The following GTF2E2 variants were observed in gnomAD, a reference collection of about 807,000 sequenced individuals.
GTF2E2 encodes general transcription factor IIE subunit 2.
In GTF2E2, 21 loss-of-function variants were observed where a neutral mutation model predicts 40.5. The ratio of observed to expected loss-of-function variants is 0.52; its 90% CI spans 0.37 to 0.75. The LOEUF (loss-of-function observed/expected upper bound fraction) is 0.75. Among genes scored for constraint, GTF2E2 ranks in the 30% least tolerant of loss-of-function variants. GTF2E2 has a pLI of 0.00. For synonymous variants in GTF2E2, 117 were observed against 121.6 expected, an observed-to-expected ratio of 0.96 and a Z score of 0.25; for missense variants, 298 against 338.4, an observed-to-expected ratio of 0.88 and a Z score of 0.94.
At chr8:30,614,358 T>A (rs1331625439) in intron 4 of GTF2E2, among the ~76,000 whole-genome samples, 1 of 152,116 alleles carries the variant, frequency 6.6e-6, no homozygotes, top group Non-Finnish European at 1.5e-5. Flanking sequence ...GGTGGGCGGA[T>A]CACTTGAGGT....
chr8:30,600,397 T>C (rs1829143507), intron 6 of GTF2E2, among the ~76,000 whole-genome samples: 1 of 152,236 alleles, frequency 6.6e-6, no homozygotes, highest in Non-Finnish European at 1.5e-5. Context: ...GTTCTTACTT[T>C]CCACCAGATT....
intron 2 of GTF2E2, among the ~76,000 whole-genome samples, chr8:30,644,808 T>C (rs1396567669): frequency 2.6e-5 from 4 of 151,608 alleles, no homozygotes; most frequent in African/African-American, 7.3e-5. Context: ...TAGAATGCAG[T>C]GGCACGATCT....
chr8:30,593,886 C>G (rs915250550), intron 6 of GTF2E2, among the ~76,000 whole-genome samples: 3 of 152,108 alleles, frequency 2.0e-5, no homozygotes, highest in African/African-American at 7.2e-5. Context: ...CACAGTATAT[C>G]ATTTTACATG....
chr8:30,655,439 T>C (rs895306464), intron 1 of GTF2E2, among the ~76,000 whole-genome samples: 3 of 152,040 alleles, frequency 2.0e-5, no homozygotes, highest in African/African-American at 4.8e-5. Context: ...AATTTGACAC[T>C]GTTAAGACTA....
intron 3 of GTF2E2, among the ~76,000 whole-genome samples, chr8:30,617,795 G>C (rs569101410): frequency 1.3e-5 from 2 of 151,786 alleles, no homozygotes; most frequent in East Asian, 3.9e-4. Flanking sequence ...TGTCAGGAAG[G>C]CATCTTCAAT....
intron 3 of GTF2E2, among the ~76,000 whole-genome samples, chr8:30,628,193 G>C (rs1801340042): frequency 6.6e-6 from 1 of 152,164 alleles, no homozygotes; most frequent in Non-Finnish European, 1.5e-5. Context: ...CCAAGCTTCT[G>C]CCCAACTGAG....
intron 3 of GTF2E2, among the ~76,000 whole-genome samples, chr8:30,627,802 A>G (rs1006305475): frequency 1.3e-5 from 2 of 152,262 alleles, no homozygotes; most frequent in East Asian, 3.8e-4. Flanking sequence ...AGAACACTGA[A>G]GCTGAAAGCT....
At chr8:30,601,747 A>T (rs1829187038) in intron 6 of GTF2E2, among the ~76,000 whole-genome samples, 2 of 152,340 alleles carry the variant, frequency 1.3e-5, no homozygotes, top group South Asian at 4.1e-4. Context: ...CTAGGAATAT[A>T]CAATGTATAC....
intron 6 of GTF2E2, among the ~76,000 whole-genome samples, chr8:30,605,023 A>C (rs1829282764): frequency 6.6e-6 from 1 of 152,248 alleles, no homozygotes; most frequent in Non-Finnish European, 1.5e-5. Flanking sequence ...TCCCACTGCT[A>C]AACACACAGT....
chr8:30,621,040 G>A (rs574622413), intron 3 of GTF2E2, among the ~76,000 whole-genome samples: 1 of 151,860 alleles, frequency 6.6e-6, no homozygotes, highest in African/African-American at 2.4e-5. Flanking sequence ...GAATAATGGA[G>A]GTTACTTGTC....
chr8:30,618,211 C>T (rs572599819), intron 3 of GTF2E2, among the ~76,000 whole-genome samples: 2 of 121,372 alleles, frequency 1.6e-5, no homozygotes, highest in South Asian at 2.7e-4. Context: ...GAAGGAGAAT[C>T]GCTTCAACTG....
intron 2 of GTF2E2, among the ~76,000 whole-genome samples, chr8:30,640,402 G>A (rs944917729): frequency 6.6e-6 from 1 of 151,950 alleles, no homozygotes; most frequent in Non-Finnish European, 1.5e-5. Flanking sequence ...TCAAATGGGA[G>A]TAAACATATC....
chr8:30,635,280 A>G (rs917223095), intron 2 of GTF2E2, among the ~76,000 whole-genome samples, 157 bp from the exon 3 acceptor site: 3 of 152,212 alleles, frequency 2.0e-5, no homozygotes, highest in Non-Finnish European at 4.4e-5. Flanking sequence ...ATCTTTGAGT[A>G]TATACATTAA....
At chr8:30,602,820 A>T (rs1442065980) in intron 6 of GTF2E2, among the ~76,000 whole-genome samples, 1 of 151,616 alleles carries the variant, frequency 6.6e-6, no homozygotes, top group African/African-American at 2.4e-5. Flanking sequence ...GAAAAAAACT[A>T]AAGTCCTTCC....
At chr8:30,599,505 G>T (rs934579031) in intron 6 of GTF2E2, among the ~76,000 whole-genome samples, 2 of 151,810 alleles carry the variant, frequency 1.3e-5, no homozygotes, top group African/African-American at 4.8e-5. Flanking sequence ...CTTCAACCTG[G>T]GAGGCAGAGG....
intron 5 of GTF2E2, among the ~76,000 whole-genome samples, chr8:30,609,139 G>A (rs1368227186): frequency 6.6e-6 from 1 of 151,914 alleles, no homozygotes; most frequent in Non-Finnish European, 1.5e-5. Context: ...GGTGGCAGGT[G>A]TCTGTAATCC....
chr8:30,598,251 C>G (rs534248672), intron 6 of GTF2E2, among the ~76,000 whole-genome samples: 1 of 152,166 alleles, frequency 6.6e-6, no homozygotes, highest in Non-Finnish European at 1.5e-5. Flanking sequence ...TCCTTGAAAA[C>G]AGAAATTTCT....
intron 3 of GTF2E2, among the ~76,000 whole-genome samples, chr8:30,621,095 TC>T (rs1249677211): frequency 6.6e-6 from 1 of 152,064 alleles, no homozygotes; most frequent in Non-Finnish European, 1.5e-5. Flanking sequence ...TTCCATATTC[TC>T]CATTATCATT....
At chr8:30,654,139 A>T (rs1380032520) in intron 1 of GTF2E2, among the ~76,000 whole-genome samples, 1 of 151,894 alleles carries the variant, frequency 6.6e-6, no homozygotes, top group Non-Finnish European at 1.5e-5. Flanking sequence ...TTATTCCCTA[A>T]AGTTCCAGAA....
Sources: gnomAD v4.1 joint callset for allele counts (sites outside exome capture counted in the v4.1 genomes callset) on GRCh38, gnomAD v4.1.1 for gene constraint, MANE v1.5 for transcripts, NCBI Gene and HGNC (gene_info 2026-07-23, HGNC 2026-07-21) for gene names.